Variants in SYNPR observed in about 807,000 individuals in gnomAD.
SYNPR encodes synaptoporin.
SYNPR carries 23 observed loss-of-function variants against 32.9 expected under a neutral mutation model. The observed-to-expected ratio is 0.70, with a 90% CI of 0.50 to 0.99. The LOEUF (loss-of-function observed/expected upper bound fraction) is 0.99, where lower values mean the gene tolerates loss of function less well. Among genes scored for constraint, SYNPR ranks in the 50% least tolerant of loss-of-function variants. The probability of loss-of-function intolerance (pLI) is 0.00; values close to 1 mark genes in which losing one functional copy is unlikely to be tolerated. For missense variants in SYNPR, 318 were observed against 349.3 expected (o/e 0.91, Z 0.71); for synonymous variants, 146 against 135.9 (o/e 1.07, Z -0.52).
chr3:63,494,404 T>TATATATACACAC (rs376662675), intron 3 of SYNPR, among the ~76,000 whole-genome samples: 1,939 of 102,378 alleles, frequency 0.019, 119 homozygotes, highest in African/African-American at 0.072. Flanking sequence ...TATATATATA[T>TATATATACACAC]ATATATATAT....
At chr3:63,467,425 C>T (rs1700704899) in intron 2 of SYNPR, among the ~76,000 whole-genome samples, 1 of 152,096 alleles carries the variant, frequency 6.6e-6, no homozygotes, top group Non-Finnish European at 1.5e-5. Flanking sequence ...TTACTTGCTC[C>T]TTTTGGTATA....
At chr3:63,429,626 T>G (rs1699950781) in intron 2 of SYNPR, among the ~76,000 whole-genome samples, 2 of 152,258 alleles carry the variant, frequency 1.3e-5, no homozygotes, top group South Asian at 2.1e-4. Context: ...ATGTATAACT[T>G]GTTGACATCC....
chr3:63,452,045 C>G, intron 2 of SYNPR: 2 of 700,782 alleles, frequency 2.9e-6, no homozygotes, highest in South Asian at 1.5e-5. Context: ...ATTTTTTTCT[C>G]TTTCTCCCAC....
At chr3:63,254,866 G>A (rs1246481028) in intron 2 of SYNPR, among the ~76,000 whole-genome samples, 1 of 152,068 alleles carries the variant, frequency 6.6e-6, no homozygotes, top group African/African-American at 2.4e-5. Context: ...CAATATAAAT[G>A]GTCTTCTTAT....
At chr3:63,313,213 AT>A (rs555578977) in intron 2 of SYNPR, among the ~76,000 whole-genome samples, 4 of 151,648 alleles carry the variant, frequency 2.6e-5, no homozygotes, top group South Asian at 2.1e-4. Flanking sequence ...GGTTGATCTG[AT>A]TTTTTTTATT....
At chr3:63,379,518 A>G (rs1175723624) in intron 2 of SYNPR, among the ~76,000 whole-genome samples, 1 of 152,132 alleles carries the variant, frequency 6.6e-6, no homozygotes, top group African/African-American at 2.4e-5. Flanking sequence ...TGGTATGTAC[A>G]CATTTAGAAC....
At chr3:63,472,708 A>G (rs1483816523) in intron 2 of SYNPR, among the ~76,000 whole-genome samples, 1 of 152,128 alleles carries the variant, frequency 6.6e-6, no homozygotes, top group East Asian at 1.9e-4. Context: ...ACACTTCCTT[A>G]TCTTCCACCT....
At chr3:63,271,300 A>C (rs909874017) in intron 3 of SYNPR, among the ~76,000 whole-genome samples, 1 of 152,170 alleles carries the variant, frequency 6.6e-6, no homozygotes, top group African/African-American at 2.4e-5. Context: ...GGCAGAGATT[A>C]TAACCATGAG....
chr3:63,431,024 G>T (rs1342764659), intron 2 of SYNPR, among the ~76,000 whole-genome samples: 1 of 152,136 alleles, frequency 6.6e-6, no homozygotes, highest in Non-Finnish European at 1.5e-5. Flanking sequence ...GTGAGATATG[G>T]GCATTTGCTT....
At chr3:63,520,016 T>C (rs1453484665) in intron 3 of SYNPR, among the ~76,000 whole-genome samples, 1 of 152,148 alleles carries the variant, frequency 6.6e-6, no homozygotes, top group Non-Finnish European at 1.5e-5. Context: ...AACATATAAA[T>C]CTCCAAATTT....
chr3:63,452,951 A>G (rs11130927), intron 2 of SYNPR, among the ~76,000 whole-genome samples: 35,284 of 152,056 alleles, frequency 0.23, 4,280 homozygotes, highest in East Asian at 0.33. Context: ...GTATGTACTG[A>G]GAGTGTCGAA....
intron 2 of SYNPR, among the ~76,000 whole-genome samples, chr3:63,333,312 C>T (rs2087249877): frequency 6.6e-6 from 1 of 151,234 alleles, no homozygotes; most frequent in Non-Finnish European, 1.5e-5. Flanking sequence ...GGGTCATCTC[C>T]CAGTGATCCT....
intron 2 of SYNPR, among the ~76,000 whole-genome samples, chr3:63,415,203 TG>T (rs1264062441): frequency 6.6e-6 from 1 of 152,226 alleles, no homozygotes; most frequent in Non-Finnish European, 1.5e-5. Flanking sequence ...TACTATAAAA[TG>T]GTGTGCTCCT....
chr3:63,389,477 C>A (rs575700595), intron 2 of SYNPR, among the ~76,000 whole-genome samples: 1 of 152,296 alleles, frequency 6.6e-6, no homozygotes, highest in African/African-American at 2.4e-5. Flanking sequence ...CCAGTAATTC[C>A]AGCCAGCTCT....
chr3:63,244,054 A>G (rs545998115), intron 1 of SYNPR, among the ~76,000 whole-genome samples: 1 of 152,200 alleles, frequency 6.6e-6, no homozygotes, highest in South Asian at 2.1e-4. Context: ...CTAAGGAACC[A>G]TGTAGCATTA....
At chr3:63,371,319 G>A (rs1369614456) in intron 2 of SYNPR, among the ~76,000 whole-genome samples, 1 of 152,000 alleles carries the variant, frequency 6.6e-6, no homozygotes, top group Admixed American at 6.6e-5. Context: ...GGAGTCCTAG[G>A]AGCCTTGGAT....
chr3:63,450,888 C>T (rs1700367435), intron 2 of SYNPR, among the ~76,000 whole-genome samples: 1 of 152,146 alleles, frequency 6.6e-6, no homozygotes, highest in Non-Finnish European at 1.5e-5. Flanking sequence ...ACCCTTGGCA[C>T]ATTTGCCAAG....
chr3:63,399,500 A>C (rs1276025350), intron 2 of SYNPR, among the ~76,000 whole-genome samples: 1 of 152,164 alleles, frequency 6.6e-6, no homozygotes. Context: ...GTGAGTGCCC[A>C]TTCCTCATAG....
chr3:63,498,129 G>A (rs560338086), intron 3 of SYNPR, among the ~76,000 whole-genome samples: 73 of 152,262 alleles, frequency 4.8e-4, no homozygotes, highest in Admixed American at 1.8e-3. Context: ...GTAACCAGAT[G>A]AGGATAGGGT....
Sources: gnomAD v4.1 joint callset for allele counts (sites outside exome capture counted in the v4.1 genomes callset) on GRCh38, gnomAD v4.1.1 for gene constraint, MANE v1.5 for transcripts, NCBI Gene and HGNC (gene_info 2026-07-23, HGNC 2026-07-21) for gene names.